The following R3HCC1 variants were observed in gnomAD, a reference collection of about 807,000 sequenced individuals.
R3HCC1 encodes the protein R3H and coiled-coil domain-containing protein 1.
R3HCC1 carries 32 observed loss-of-function variants against 40.0 expected under a neutral mutation model. That is an observed-to-expected ratio of 0.80 (90% CI 0.60 to 1.07). The LOEUF is 1.07. Among genes scored for constraint, R3HCC1 ranks in the 50% least tolerant of loss-of-function variants. The pLI is 0.00. For synonymous variants in R3HCC1, 237 were observed against 232.8 expected (o/e 1.02, Z -0.17); for missense variants, 586 against 563.3 (o/e 1.04, Z -0.41).
Position 23,296,141 on chromosome 8 carries a change from T to C in R3HCC1, c.*44T>C. ...GCCTGGATCTGCGTCCCGACGTAGCTGGCGCCCCCAACACCATAAGCCTTC... is the reference window on the plus strand; with the variant it reads ...GCCTGGATCTGCGTCCCGACGTAGCCGGCGCCCCCAACACCATAAGCCTTC... On this transcript the variant is annotated 3_prime_UTR_variant, in exon 8 of 8. Transcript: ENST00000265806. 2.6e-6 allele frequency: 4 copies of C among 1,527,876 alleles called. No homozygotes were observed. The highest frequency in any genetic ancestry group is 1.2e-5 in the South Asian group (1 of 81,470). 94.6% of individuals were successfully genotyped at this position (1,527,876 alleles called of 1,614,324 possible). A position where few individuals can be genotyped will look rare whatever the true frequency, so the allele number is the denominator to read the frequency against.
In R3HCC1 at chr8:23,288,941, G is replaced by A. The variant is rs1802798469; in HGVS notation, c.111-75G>A. The A allele has an allele frequency of 1.6e-5, 23 of 1,474,266 alleles. 1 individual carries two copies. In the South Asian group the frequency reaches 2.9e-4, roughly 18 times the overall value. The allele number at this position is 1,474,266 out of a possible 1,614,324, so 91.3% of individuals were successfully genotyped here. On this transcript the variant is annotated intron_variant, in intron 2 of 7. Transcript: ENST00000265806. ...AGAAGGGAGCCCAGTGTTAATCCGCGATTAACCTGGGAGTGGACCTGGTAG... is the reference window on the plus strand; with the variant it reads ...AGAAGGGAGCCCAGTGTTAATCCGCAATTAACCTGGGAGTGGACCTGGTAG...
At chr8:23,288,242 C>A in intron 1 of R3HCC1, 85 bp downstream of exon 1, 1 of 1,162,992 alleles carries the variant, frequency 8.6e-7, no homozygotes, top group Non-Finnish European at 1.1e-6. Context: ...GCGGAGCAGG[C>A]CCCCGTGAGC....
In R3HCC1 at chr8:23,288,596, G is replaced by T; in HGVS notation, c.73G>T (p.Glu25Ter). Residue 25 changes from glutamate to a stop codon, truncating the protein, a stop_gained, in exon 2 of 8, where the codon GAA becomes TAA. Coordinates refer to ENST00000265806, the MANE Select transcript of R3HCC1 (RefSeq NM_001136108.3). LOFTEE classifies it high-confidence loss of function. ...TGACTTCGTCCACCGGATCCAGGAGGAACTGGACCGCTTTCTGCTGCAGAA... is the reference window on the plus strand; with the variant it reads ...TGACTTCGTCCACCGGATCCAGGAGTAACTGGACCGCTTTCTGCTGCAGAA... 1 of 1,536,078 alleles carries T rather than the reference G, an allele frequency of 6.5e-7. No individual in the cohort carries two copies. Among genetic ancestry groups the T allele is most frequent in the Non-Finnish European group, 8.7e-7 (1 of 1,146,896 alleles).
At chr8:23,289,323 A>G (rs1371350334) in intron 3 of R3HCC1, among the ~76,000 whole-genome samples, 170 bp downstream of exon 3, 2 of 152,206 alleles carry the variant, frequency 1.3e-5, no homozygotes, top group Non-Finnish European at 2.9e-5. Flanking sequence ...TCAACAGTGG[A>G]GCAGATATGC....
Position 23,296,262 on chromosome 8 carries a change from C to T in R3HCC1, c.*165C>T. ...CAGAAATGGAGAAAAAATAAAAACT[C>T]ACGTTGTTCTAATGTGATCACTTTG... On this transcript the variant is annotated 3_prime_UTR_variant, in exon 8 of 8. Coordinates refer to ENST00000265806, the MANE Select transcript of R3HCC1 (RefSeq NM_001136108.3). 2 of 836,212 alleles carry T rather than the reference C, an allele frequency of 2.4e-6. No homozygotes were observed. Among genetic ancestry groups the T allele is most frequent in the Admixed American group, 3.1e-5 (1 of 31,878 alleles). The allele number at this position is 836,212 out of a possible 1,614,324, so 51.8% of individuals were successfully genotyped here. A position where few individuals can be genotyped will look rare whatever the true frequency, so the allele number is the denominator to read the frequency against.
chr8:23,292,018 T>TC (rs976608415), intron 5 of R3HCC1, among the ~76,000 whole-genome samples: 2 of 152,230 alleles, frequency 1.3e-5, no homozygotes, highest in Non-Finnish European at 2.9e-5. Context: ...CTCCTCAGCT[T>TC]CCCCACATGC....
At position 23,288,571 on chromosome 8, in the gene R3HCC1, T is replaced by G. The variant is rs755944196; in HGVS notation, c.48T>G (p.Asn16Lys). ...GTGTCTTCCTCTCCTCAGCCGAGAA[T>G]GACTTCGTCCACCGGATCCAGGAGG... Residue 16 changes from asparagine (N) to lysine (K), a missense_variant, in exon 2 of 8, where the codon AAT (asparagine) becomes AAG (lysine). Coordinates refer to ENST00000265806, the MANE Select transcript of R3HCC1 (RefSeq NM_001136108.3). 3 of 1,535,994 alleles carry G rather than the reference T, an allele frequency of 2.0e-6. No individual in the cohort carries two copies. In the South Asian group the frequency reaches 3.6e-5, roughly 18 times the overall value.
intron 7 of R3HCC1, 141 bp from the exon 8 acceptor site, chr8:23,295,826 C>T: frequency 3.2e-6 from 4 of 1,260,186 alleles, no homozygotes; most frequent in Middle Eastern, 2.1e-4. Flanking sequence ...CATCCGGCCA[C>T]ACCACGGGCA....
intron 3 of R3HCC1, 102 bp from the exon 4 acceptor site, chr8:23,289,764 A>T: frequency 2.1e-6 from 3 of 1,421,108 alleles, no homozygotes; most frequent in Non-Finnish European, 2.8e-6. Flanking sequence ...TTTTTGCCTA[A>T]TGCTGACCCG....
chr8:23,289,948 T>G lies in R3HCC1; in HGVS notation c.331T>G (p.Ser111Ala). 6.5e-7 allele frequency: 1 copy of G among 1,536,202 alleles called. No individual in the cohort carries two copies. The highest frequency in any genetic ancestry group is 8.7e-7 in the Non-Finnish European group (1 of 1,146,914). ...CAGGTACCACGGTCCTCGGCCCATC[T>G]CCAACCAAGGAGCAGCTGCGGTTCC... Residue 111 changes from serine (S) to alanine (A), a missense_variant, in exon 4 of 8, where the codon TCC becomes GCC. Ser to Ala is a moderately conservative substitution (Grantham distance 99, BLOSUM62 1). Transcript: ENST00000265806.
chr8:23,295,437 C>T (rs1563181060), intron 7 of R3HCC1: 4 of 456,788 alleles, frequency 8.8e-6, no homozygotes, highest in African/African-American at 6.0e-5. Flanking sequence ...TATAGCGCCT[C>T]CTTTTCCCCT....
In R3HCC1 at chr8:23,290,125, C is replaced by T. The variant is rs1402571045; in HGVS notation, c.508C>T (p.Pro170Ser). The stretch of plus-strand genomic sequence containing the variant: ...CCCAGCTGGCAGGGACCCAGAAGAG[C>T]CTGGAGATGTTGGTGCTGGAGACCC... The change falls in exon 4 of 8, where the codon CCT becomes TCT. Residue 170 changes from proline to serine, a missense_variant. Pro to Ser is a moderately conservative substitution (Grantham distance 74, BLOSUM62 -1). Coordinates refer to ENST00000265806, the MANE Select transcript of R3HCC1 (RefSeq NM_001136108.3). The T allele has an allele frequency of 6.4e-6, 10 of 1,551,250 alleles. No homozygotes were observed. Among genetic ancestry groups the T allele is most frequent in the Non-Finnish European group, 8.7e-6 (10 of 1,147,008 alleles).
At chr8:23,294,526 T>C (rs1802946171) in intron 6 of R3HCC1, among the ~76,000 whole-genome samples, 1 of 152,144 alleles carries the variant, frequency 6.6e-6, no homozygotes, top group Admixed American at 6.5e-5. Flanking sequence ...CCCAGTGCTC[T>C]CCCTGACCAG....
At chr8:23,293,238 G>A (rs375130053) in intron 5 of R3HCC1, 65 bp from the exon 6 acceptor site, 26 of 1,364,922 alleles carry the variant, frequency 1.9e-5, no homozygotes, top group East Asian at 1.8e-4. Flanking sequence ...GTGTGGCTGC[G>A]GGATTCGAAG....
chr8:23,289,051 G>T lies in R3HCC1; in HGVS notation c.146G>T (p.Arg49Leu). ...TTCCCCCCACTCTCCAGTCGCCTCC[G>T]GTACCTGATCCATAGAACAGCAGAG... Residue 49 changes from arginine (R) to leucine (L), a missense_variant, in exon 3 of 8, where the codon CGG becomes CTG. Coordinates refer to ENST00000265806, the MANE Select transcript of R3HCC1 (RefSeq NM_001136108.3). 1.3e-6 allele frequency: 2 copies of T among 1,536,572 alleles called. No individual in the cohort carries two copies. The highest frequency in any genetic ancestry group is 1.7e-6 in the Non-Finnish European group (2 of 1,146,998).
In R3HCC1 at chr8:23,290,475, G is replaced by A. The variant is rs1367656080; in HGVS notation, c.852+6G>A. On this transcript the variant is annotated splice_donor_region_variant and intron_variant, in intron 4 of 7. Transcript: ENST00000265806. ...ACAGTGAGCTGCTGCAGGAGGTGATGAGGCTCTTGAGCCCGAAAAGGGAGG... is the reference window on the plus strand; with the variant it reads ...ACAGTGAGCTGCTGCAGGAGGTGATAAGGCTCTTGAGCCCGAAAAGGGAGG... The A allele has an allele frequency of 8.4e-6, 13 of 1,544,142 alleles. No individual in the cohort carries two copies. The highest frequency in any genetic ancestry group is 1.0e-5 in the Non-Finnish European group (12 of 1,143,168).
At position 23,294,912 on chromosome 8, in the gene R3HCC1, T is replaced by TGC. The variant is rs748819045; in HGVS notation, c.1192+50_1192+51dup. The TGC allele has an allele frequency of 1.7e-5, 22 of 1,299,416 alleles. No homozygotes were observed. In the African/African-American group the frequency reaches 2.7e-4, roughly 16 times the overall value. 80.5% of individuals were successfully genotyped at this position (1,299,416 alleles called of 1,614,324 possible). On this transcript the variant is annotated intron_variant, in intron 7 of 7. Transcript: ENST00000265806. ...AATAGGGAGGCTGTGTGTGTGTGTG[T>TGC]GCGTGCGAGCATGTGTGTGTGTGCG...
intron 6 of R3HCC1, 68 bp downstream of exon 6, chr8:23,293,441 T>C: frequency 8.0e-7 from 1 of 1,255,764 alleles, no homozygotes; most frequent in South Asian, 1.3e-5. Context: ...CTTGGTTCCC[T>C]GGGTAGAGGC....
intron 4 of R3HCC1, 84 bp downstream of exon 4, chr8:23,290,553 G>A: frequency 7.0e-7 from 1 of 1,430,046 alleles, no homozygotes; most frequent in Non-Finnish European, 9.3e-7. Context: ...GGGTTATGGT[G>A]TGGAGAGCAG....
Sources: gnomAD v4.1 joint callset for allele counts (sites outside exome capture counted in the v4.1 genomes callset) on GRCh38, gnomAD v4.1.1 for gene constraint, MANE v1.5 for transcripts, NCBI Gene and HGNC (gene_info 2026-07-23, HGNC 2026-07-21) for gene names.